The following BBX variants were observed in gnomAD, a reference collection of about 807,000 sequenced individuals.
BBX encodes BBX high mobility group box domain containing.
A neutral mutation model predicts 100.2 loss-of-function variants in BBX; 30 were observed. The ratio of observed to expected loss-of-function variants is 0.30; its 90% CI spans 0.22 to 0.41. The LOEUF is 0.41. BBX is among the 10% of genes least tolerant of loss of function. The pLI is 1.00. For synonymous variants in BBX, 376 were observed against 388.1 expected, an observed-to-expected ratio of 0.97 and a Z score of 0.37; for missense variants, 1,023 against 1,129.8, an observed-to-expected ratio of 0.91 and a Z score of 1.35.
chr3:107,744,727 G>A lies in BBX; in HGVS notation c.750+17G>A, dbSNP rs1238491675. 1.3e-6 allele frequency: 2 copies of A among 1,592,064 alleles called. No homozygotes were observed. Among genetic ancestry groups the A allele is most frequent in the African/African-American group, 1.3e-5 (1 of 74,382 alleles). ...TTTGCCGAGGTAATATATTACAATT[G>A]ATACTTAACTAATGAGGAAATTGTA... On this transcript the variant is annotated intron_variant, in intron 8 of 17. Transcript: ENST00000325805.
intron 3 of BBX, among the ~76,000 whole-genome samples, chr3:107,667,928 T>C (rs1162307526): frequency 6.6e-6 from 1 of 152,196 alleles, no homozygotes; most frequent in African/African-American, 2.4e-5. Context: ...ATCTGTAATT[T>C]TGATGAAAAA....
chr3:107,725,799 G>C (rs866617997), intron 5 of BBX, among the ~76,000 whole-genome samples: 2 of 152,018 alleles, frequency 1.3e-5, no homozygotes, highest in African/African-American at 2.4e-5. Context: ...TGCAAAGTAG[G>C]ATTCCCTTAC....
At chr3:107,570,916 C>T (rs917766886) in intron 2 of BBX, among the ~76,000 whole-genome samples, 5 of 152,068 alleles carry the variant, frequency 3.3e-5, no homozygotes, top group African/African-American at 1.2e-4. Flanking sequence ...ACGTCAGGCA[C>T]CTCAGACCCA....
At chr3:107,748,150 A>G in intron 9 of BBX, 111 bp downstream of exon 9, 1 of 834,854 alleles carries the variant, frequency 1.2e-6, no homozygotes, top group Non-Finnish European at 1.9e-6. Context: ...TGTTGTCATT[A>G]TTAACATAAT....
chr3:107,711,398 A>G (rs751042713), intron 4 of BBX: 1 of 449,616 alleles, frequency 2.2e-6, no homozygotes, highest in Non-Finnish European at 4.5e-6. Flanking sequence ...GCTGAATGAA[A>G]GAATAAATGA....
intron 2 of BBX, among the ~76,000 whole-genome samples, chr3:107,535,013 A>G (rs559882): frequency 0.11 from 16,329 of 152,206 alleles, 989 homozygotes; most frequent in Non-Finnish European, 0.12. Flanking sequence ...ATTTTTCACA[A>G]CAACTTTCTG....
chr3:107,661,532 C>T (rs2058444279), intron 3 of BBX, among the ~76,000 whole-genome samples: 1 of 152,098 alleles, frequency 6.6e-6, no homozygotes, highest in Admixed American at 6.5e-5. Context: ...AAGTTACAAG[C>T]TCAGAAAAAC....
At chr3:107,730,375 A>C (rs2107515214) in intron 6 of BBX, among the ~76,000 whole-genome samples, 1 of 152,264 alleles carries the variant, frequency 6.6e-6, no homozygotes, top group Middle Eastern at 3.4e-3. Flanking sequence ...ACCCAGAAAG[A>C]GTATATAGAT....
rs140835404 is a variant in BBX, at chr3:107,598,197, G to T, written c.-83-47639G>T. On this transcript the variant is annotated intron_variant, in intron 2 of 17. Transcript: ENST00000325805. Reference sequence around the variant, plus strand: ...TTTTTAATAAGAATTTCTAGGGGGTGTGTGTGTATGTGTCCCTTAAACTTA... The same window carrying T: ...TTTTTAATAAGAATTTCTAGGGGGTTTGTGTGTATGTGTCCCTTAAACTTA... Among the ~76,000 whole-genome samples the T allele has an allele frequency of 5.6e-4, 85 of 152,324 alleles. No homozygotes were observed. In the South Asian group the frequency reaches 9.5e-3, roughly 17 times the overall value.
chr3:107,796,541 C>T (rs928316709), intron 15 of BBX, among the ~76,000 whole-genome samples: 6 of 152,094 alleles, frequency 3.9e-5, no homozygotes, highest in Non-Finnish European at 7.4e-5. Context: ...TTCGAAATCT[C>T]GAAGCTTATG....
At chr3:107,624,078 G>A (rs1481225278) in intron 2 of BBX, among the ~76,000 whole-genome samples, 4 of 152,176 alleles carry the variant, frequency 2.6e-5, no homozygotes, top group African/African-American at 9.7e-5. Context: ...CTGCTCAGAA[G>A]CCAGGCTGCC....
chr3:107,747,902 G>T lies in BBX; in HGVS notation c.751-63G>T, dbSNP rs1004485510. 5.7e-6 allele frequency: 8 copies of T among 1,394,852 alleles called. No homozygotes were observed. In the African/African-American group the frequency reaches 1.0e-4, roughly 18 times the overall value. The allele number at this position is 1,394,852 out of a possible 1,614,324, so 86.4% of individuals were successfully genotyped here. A position where few individuals can be genotyped will look rare whatever the true frequency, so the allele number is the denominator to read the frequency against. On this transcript the variant is annotated intron_variant, in intron 8 of 17. Transcript: ENST00000325805. ...TGTCTACAGTTGAAAATATATGGCA[G>T]AATCTTATGATCTGATGTGGAAAAA... is the stretch of plus-strand genomic sequence containing the variant.
chr3:107,546,393 CTAGT>C (rs2049243831), intron 2 of BBX, among the ~76,000 whole-genome samples: 1 of 152,262 alleles, frequency 6.6e-6, no homozygotes, highest in South Asian at 2.1e-4. Context: ...TGTCAGAACA[CTAGT>C]TATTTACTTA....
chr3:107,654,582 T>C (rs1329963211), intron 3 of BBX, among the ~76,000 whole-genome samples: 3 of 152,226 alleles, frequency 2.0e-5, no homozygotes, highest in Non-Finnish European at 4.4e-5. Flanking sequence ...TCCAAAATGC[T>C]CACTATTGAT....
At chr3:107,782,662 G>A (rs7624077) in intron 13 of BBX, among the ~76,000 whole-genome samples, 19,615 of 152,092 alleles carry the variant, frequency 0.13, 1,357 homozygotes, top group Middle Eastern at 0.17. Flanking sequence ...GTTATTGTCA[G>A]TGTCCTTCTG....
intron 2 of BBX, among the ~76,000 whole-genome samples, chr3:107,536,161 G>T (rs1160114950): frequency 1.3e-5 from 2 of 152,128 alleles, no homozygotes; most frequent in Non-Finnish European, 2.9e-5. Context: ...TTTACCTGAG[G>T]AACTTATTTC....
chr3:107,710,314 A>G (rs961016115), intron 3 of BBX, 138 bp from the exon 4 acceptor site: 14 of 638,738 alleles, frequency 2.2e-5, no homozygotes, highest in African/African-American at 3.7e-5. Flanking sequence ...AGCTGATAGT[A>G]TAGTCATTAA....
intron 2 of BBX, among the ~76,000 whole-genome samples, chr3:107,639,794 G>A (rs545975790): frequency 6.6e-6 from 1 of 152,178 alleles, no homozygotes; most frequent in African/African-American, 2.4e-5. Context: ...ATCAGCTAAT[G>A]TATATTGAAA....
intron 2 of BBX, among the ~76,000 whole-genome samples, chr3:107,557,529 T>C (rs181924029): frequency 4.6e-5 from 7 of 152,384 alleles, no homozygotes; most frequent in Admixed American, 3.9e-4. Flanking sequence ...TTTTTGCTGG[T>C]AATCTATTTT....
Sources: gnomAD v4.1 joint callset for allele counts (sites outside exome capture counted in the v4.1 genomes callset) on GRCh38, gnomAD v4.1.1 for gene constraint, MANE v1.5 for transcripts, NCBI Gene and HGNC (gene_info 2026-07-23, HGNC 2026-07-21) for gene names.